Variants in KCNJ5 observed in about 807,000 individuals in gnomAD.
The protein encoded by KCNJ5 is G protein-activated inward rectifier potassium channel 4.
KCNJ5 carries 12 observed loss-of-function variants against 20.2 expected under a neutral mutation model. The ratio of observed to expected loss-of-function variants is 0.59; its 90% CI spans 0.38 to 0.96. The LOEUF is 0.96. Ranked by LOEUF, KCNJ5 falls within the 40% of genes least tolerant of loss-of-function variation. KCNJ5 has a pLI of 0.00. For missense variants in KCNJ5, 449 were observed against 557.6 expected, an observed-to-expected ratio of 0.81 and a Z score of 1.96; for synonymous variants, 210 against 213.9, an observed-to-expected ratio of 0.98 and a Z score of 0.16.
At chr11:128,905,893 G>A (rs1944403901) in intron 1 of KCNJ5, 2 of 152,174 alleles carry the variant, frequency 1.3e-5, no homozygotes, top group Admixed American at 6.5e-5. Flanking sequence ...TTCCGGGCGA[G>A]GTTTTTAAAC....
rs1388980509 is a variant in KCNJ5, at chr11:128,918,017, T to A, written c.*1286T>A. On this transcript the variant is annotated 3_prime_UTR_variant, in exon 3 of 3. Transcript: ENST00000529694. ...TTGCAGTGAGCCAAGATCATGCCAC[T>A]GCACTCCAGCCTGGGCGACAGAGCG... 4 of 151,164 alleles carry A rather than the reference T, an allele frequency of 2.6e-5. No homozygotes were observed. The highest frequency in any genetic ancestry group is 4.9e-5 in the African/African-American group (2 of 40,668). 9.4% of individuals were successfully genotyped at this position (151,164 alleles called of 1,614,324 possible). A position where few individuals can be genotyped will look rare whatever the true frequency, so the allele number is the denominator to read the frequency against.
At chr11:128,893,626 A>C (rs1420913841) in intron 1 of KCNJ5, among the ~76,000 whole-genome samples, 5 of 152,142 alleles carry the variant, frequency 3.3e-5, no homozygotes, top group African/African-American at 4.8e-5. Context: ...CATTACTCAC[A>C]GGCAGCATTT....
intron 2 of KCNJ5, among the ~76,000 whole-genome samples, chr11:128,914,097 C>G (rs1358941911): frequency 2.0e-5 from 3 of 152,198 alleles, no homozygotes; most frequent in African/African-American, 7.2e-5. Context: ...GGAAGGTTTC[C>G]CCCACAGAGC....
intron 1 of KCNJ5, chr11:128,903,381 G>C (rs1944326867): frequency 6.2e-7 from 1 of 1,614,066 alleles, no homozygotes; most frequent in African/African-American, 1.3e-5. Context: ...CACAGCCACA[G>C]CCGTGGGTGT....
rs767651199 is a variant in KCNJ5, at chr11:128,911,369, T to C, written c.96T>C (p.Tyr32=). 1.9e-6 allele frequency: 3 copies of C among 1,614,218 alleles called. No individual in the cohort carries two copies. Among genetic ancestry groups the C allele is most frequent in the Non-Finnish European group, 2.5e-6 (3 of 1,180,040 alleles). The stretch of plus-strand genomic sequence containing the variant: ...AGATTCCAAAACAGGCCCGCGATTA[T>C]GTCCCCATTGCCACAGACCGTACGC... The part of the protein sequence containing the change: ...PKKIPKQARD[Y]VPIATDRTRL... The change falls in exon 2 of 3, where the codon TAT becomes TAC. Residue 32 remains tyrosine, a synonymous_variant. Transcript: ENST00000529694. This position sits in a 1 kb window ranked among gnomAD's most constrained non-coding sequence, Gnocchi z 6.3.
intron 2 of KCNJ5, among the ~76,000 whole-genome samples, chr11:128,913,069 G>A (rs541805361): frequency 2.4e-4 from 36 of 152,282 alleles, no homozygotes; most frequent in African/African-American, 5.1e-4. Context: ...TGGACTTCTC[G>A]CTGTCCTTAC....
chr11:128,911,047 G>C lies in KCNJ5; in HGVS notation c.-10-217G>C. ...CATTTATTCATTCAACAAACAGCTA[G>C]CAAGCATCTATTTTGTGCTAGACTC... is the stretch of plus-strand genomic sequence containing the variant. On this transcript the variant is annotated intron_variant, in intron 1 of 2. Coordinates refer to ENST00000529694, the MANE Select transcript of KCNJ5 (RefSeq NM_000890.5). The surrounding 1 kb of genome is among the most constrained non-coding windows in gnomAD (Gnocchi z 6.3). The C allele has an allele frequency of 1.7e-6, 1 of 579,306 alleles. No individual in the cohort carries two copies. The highest frequency in any genetic ancestry group is 3.1e-6 in the Non-Finnish European group (1 of 325,262). 35.9% of individuals were successfully genotyped at this position (579,306 alleles called of 1,614,324 possible).
rs2258372 is a variant in KCNJ5 at position 128,920,578 on chromosome 11, G to A, written c.*3847G>A. The stretch of plus-strand genomic sequence containing the variant: ...GCCCTGAACACACCTCTGCCCATGC[G>A]CCATGGAGCATGTGTTAGGTGCCTG... On this transcript the variant is annotated 3_prime_UTR_variant, in exon 3 of 3. Coordinates refer to ENST00000529694, the MANE Select transcript of KCNJ5 (RefSeq NM_000890.5). 124,951 of 151,760 alleles carry A rather than the reference G, an allele frequency of 0.82. 51,529 individuals carry two copies. The highest frequency in any genetic ancestry group is 0.9 in the East Asian group (4,622 of 5,138). 9.4% of individuals were successfully genotyped at this position (151,760 alleles called of 1,614,324 possible).
intron 2 of KCNJ5, among the ~76,000 whole-genome samples, chr11:128,914,688 G>A (rs1944551295): frequency 6.6e-6 from 1 of 152,220 alleles, no homozygotes; most frequent in African/African-American, 2.4e-5. Flanking sequence ...GAGGATTCAA[G>A]ATGAAAAGGA....
At position 128,911,946 on chromosome 11, in the gene KCNJ5, C is replaced by T. The variant is rs555333719; in HGVS notation, c.673C>T (p.Arg225Cys). Reference protein sequence around the residue: ...LCLMFRVGDLRNSHIVEASIR... With the variant: ...LCLMFRVGDLCNSHIVEASIR... The stretch of plus-strand genomic sequence containing the variant: ...CCTCATGTTCCGGGTGGGCGACCTC[C>T]GCAACTCCCACATCGTGGAGGCCTC... The change falls in exon 2 of 3, where the codon CGC becomes TGC. Residue 225 changes from arginine (R) to cysteine (C), a missense_variant. By Grantham distance (180) the Arg-to-Cys change is radical (BLOSUM62 -3). Coordinates refer to ENST00000529694, the MANE Select transcript of KCNJ5 (RefSeq NM_000890.5). This position sits in a 1 kb window ranked among gnomAD's most constrained non-coding sequence, Gnocchi z 6.3. 5.0e-6 allele frequency: 8 copies of T among 1,599,604 alleles called. No homozygotes were observed. Among genetic ancestry groups the T allele is most frequent in the South Asian group, 2.2e-5 (2 of 88,972 alleles).
chr11:128,896,607 G>GGTGTGT (rs142872056), intron 1 of KCNJ5, among the ~76,000 whole-genome samples: 88 of 149,254 alleles, frequency 5.9e-4, no homozygotes, highest in Admixed American at 1.6e-3. Flanking sequence ...GCTTGTTGGG[G>GGTGTGT]GTGTGTGTGT....
intron 1 of KCNJ5, among the ~76,000 whole-genome samples, chr11:128,908,415 T>C (rs947347199): frequency 6.6e-5 from 10 of 152,230 alleles, no homozygotes; most frequent in African/African-American, 2.2e-4. Flanking sequence ...TGTTGGACAC[T>C]GAGTCAGAAT....
chr11:128,915,781 G>A (rs1413227298), intron 2 of KCNJ5, among the ~76,000 whole-genome samples: 1 of 151,744 alleles, frequency 6.6e-6, no homozygotes, highest in African/African-American at 2.4e-5. Context: ...ATGCATGAAT[G>A]TATGGATAAT....
In KCNJ5 at chr11:128,914,337, C is replaced by T. The variant is rs577353804; in HGVS notation, c.938-2072C>T. ...TGGAGGGAGCCAGTGCTATCTGCCC[C>T]GCTGCCCCGCTGCACCCCCAACCAC... is the stretch of plus-strand genomic sequence containing the variant. On this transcript the variant is annotated intron_variant, in intron 2 of 2. Transcript: ENST00000529694. 5.3e-5 allele frequency among the ~76,000 whole-genome samples: 8 copies of T among 152,302 alleles called. No individual in the cohort carries two copies. The South Asian group carries it at 8.3e-4, about 16-fold the overall frequency.
rs5795649 is a variant in KCNJ5, at chr11:128,912,523, A to G, written c.937+313A>G. 8.6e-4 allele frequency among the ~76,000 whole-genome samples: 76 copies of G among 87,998 alleles called. No individual in the cohort carries two copies. In the South Asian group the frequency reaches 0.014, roughly 17 times the overall value. 57.7% of individuals were successfully genotyped at this position (87,998 alleles called of 152,430 possible). A position where few individuals can be genotyped will look rare whatever the true frequency, so the allele number is the denominator to read the frequency against. The stretch of plus-strand genomic sequence containing the variant: ...TTGTTGTTGTTTTGTTTATTTGTTT[A>G]TTTTTGAGGCAGGGTCTTGCTCTGT... On this transcript the variant is annotated intron_variant, in intron 2 of 2. Transcript: ENST00000529694.
intron 1 of KCNJ5, among the ~76,000 whole-genome samples, chr11:128,904,999 C>T (rs1944373200): frequency 6.6e-6 from 1 of 152,240 alleles, no homozygotes; most frequent in South Asian, 2.1e-4. Flanking sequence ...CATTAAACCT[C>T]CGAGTACACT....
intron 1 of KCNJ5, among the ~76,000 whole-genome samples, chr11:128,894,172 A>C (rs1376880177): frequency 2.3e-5 from 3 of 128,482 alleles, no homozygotes; most frequent in Non-Finnish European, 3.2e-5. Context: ...AACTGCATCC[A>C]CTTCTGCATT....
At chr11:128,912,712 T>C (rs1302488654) in intron 2 of KCNJ5, among the ~76,000 whole-genome samples, 1 of 152,184 alleles carries the variant, frequency 6.6e-6, no homozygotes, top group African/African-American at 2.4e-5. Context: ...GGTTTCACCA[T>C]GTCGGCCAGG....
rs919460148 is a variant in KCNJ5, at chr11:128,920,892, C to G, written c.*4161C>G. 3 of 152,302 alleles carry G rather than the reference C, an allele frequency of 2.0e-5. No individual in the cohort carries two copies. The highest frequency in any genetic ancestry group is 7.2e-5 in the African/African-American group (3 of 41,482). 9.4% of individuals were successfully genotyped at this position (152,302 alleles called of 1,614,324 possible). A position where few individuals can be genotyped will look rare whatever the true frequency, so the allele number is the denominator to read the frequency against. On this transcript the variant is annotated 3_prime_UTR_variant, in exon 3 of 3. Coordinates refer to ENST00000529694, the MANE Select transcript of KCNJ5 (RefSeq NM_000890.5). The stretch of plus-strand genomic sequence containing the variant: ...GTGCCACGGAGCCCCGGCTTCCATC[C>G]ATGATGTGCCCCTGTGGCGGGATAA...
Sources: allele counts gnomAD v4.1 joint callset (sites outside exome capture counted in the v4.1 genomes callset), GRCh38; gene constraint gnomAD v4.1.1; non-coding constraint Gnocchi (gnomAD v3.1); transcripts MANE v1.5; gene names NCBI Gene and HGNC (gene_info 2026-07-23, HGNC 2026-07-21).